Variants in TIAM1 observed in about 807,000 individuals in gnomAD.
TIAM1 encodes TIAM Rac1 associated GEF 1.
TIAM1 carries 65 observed loss-of-function variants against 163.5 expected under a neutral mutation model. The ratio of observed to expected loss-of-function variants is 0.40; its 90% confidence interval spans 0.33 to 0.49. TIAM1 has a LOEUF of 0.49. Ranked by LOEUF, TIAM1 falls within the 20% of genes least tolerant of loss-of-function variation. The pLI, the probability that TIAM1 is intolerant of heterozygous loss-of-function variation, is 0.77. For missense variants in TIAM1, 1,789 were observed against 2,044.7 expected, an observed-to-expected ratio of 0.87 and a Z score of 2.41; for synonymous variants, 833 against 810.1, an observed-to-expected ratio of 1.03 and a Z score of -0.48.
intron 13 of TIAM1, among the ~76,000 whole-genome samples, chr21:31,192,747 C>T (rs1289743538): frequency 6.6e-6 from 1 of 152,166 alleles, no homozygotes. Flanking sequence ...AGTGCTCCCT[C>T]GTAGGTAGGT....
Position 31,133,728 on chromosome 21 carries a change from A to C in TIAM1, c.3883+2205T>G, listed in dbSNP as rs370692275. 2.6e-5 allele frequency among the ~76,000 whole-genome samples: 4 copies of C among 152,326 alleles called. No homozygotes were observed. In the East Asian group the frequency reaches 5.8e-4, roughly 22 times the overall value. The stretch of plus-strand genomic sequence containing the variant: ...GGGCTGCTTCTGGCTCCAGTGGCAA[A>C]GCATGTGGCCTCTTGGCCCAAAGCC... On this transcript the variant is annotated intron_variant, in intron 23 of 27. Transcript: ENST00000541036.
chr21:31,557,045 T>C (rs1348424965), intron 1 of TIAM1, among the ~76,000 whole-genome samples: 1 of 152,240 alleles, frequency 6.6e-6, no homozygotes, highest in Non-Finnish European at 1.5e-5. Context: ...CAGTCCTTGG[T>C]TCACTGGCAA....
intron 2 of TIAM1, among the ~76,000 whole-genome samples, chr21:31,381,158 G>C (rs2076772913): frequency 6.6e-6 from 1 of 152,160 alleles, no homozygotes; most frequent in East Asian, 1.9e-4. Flanking sequence ...GTTTAGTGCT[G>C]CAATAATAAG....
intron 2 of TIAM1, among the ~76,000 whole-genome samples, chr21:31,437,034 T>G (rs2044233768): frequency 6.6e-6 from 1 of 152,182 alleles, no homozygotes; most frequent in Non-Finnish European, 1.5e-5. Context: ...TATTTACATT[T>G]TTCTTATCTC....
chr21:31,429,032 C>A (rs574898943), intron 2 of TIAM1, among the ~76,000 whole-genome samples: 1 of 148,134 alleles, frequency 6.8e-6, no homozygotes, highest in African/African-American at 2.6e-5. Flanking sequence ...CAGGGTCTCA[C>A]TCTGTCCCCC....
intron 2 of TIAM1, among the ~76,000 whole-genome samples, chr21:31,429,479 G>A: frequency 6.6e-6 from 1 of 152,206 alleles, no homozygotes; most frequent in Non-Finnish European, 1.5e-5. Context: ...TTCCTAAGAA[G>A]AGAATAAAAA....
chr21:31,320,253 G>A (rs992436755), intron 2 of TIAM1, among the ~76,000 whole-genome samples: 9 of 152,238 alleles, frequency 5.9e-5, no homozygotes, highest in South Asian at 2.1e-4. Context: ...ACCTGGAATA[G>A]GCAAATTCAT....
chr21:31,375,433 C>T (rs568670777), intron 2 of TIAM1, among the ~76,000 whole-genome samples: 3 of 152,212 alleles, frequency 2.0e-5, no homozygotes, highest in African/African-American at 7.2e-5. Context: ...GGCAAAATAC[C>T]AGAATTATCA....
At chr21:31,410,343 T>A (rs919474983) in intron 2 of TIAM1, among the ~76,000 whole-genome samples, 1 of 150,848 alleles carries the variant, frequency 6.6e-6, no homozygotes, top group Non-Finnish European at 1.5e-5. Context: ...AGACTGCGAG[T>A]GTGTGTGTGT....
chr21:31,432,474 C>T (rs2147281889), intron 2 of TIAM1, among the ~76,000 whole-genome samples: 1 of 152,282 alleles, frequency 6.6e-6, no homozygotes, highest in East Asian at 1.9e-4. Context: ...AAGCGAGGAG[C>T]CAGAGTTGGG....
Position 31,147,748 on chromosome 21 carries a change from A to T in TIAM1, c.3367-745T>A, listed in dbSNP as rs868098536. On this transcript the variant is annotated intron_variant, in intron 19 of 27. Coordinates refer to ENST00000541036, the MANE Select transcript of TIAM1 (RefSeq NM_001353694.2). ...AAATATATAATATATAAAAATATAT[A>T]ATATATAATTAATATATTATATTAA... Among the ~76,000 whole-genome samples, 861 of 142,794 alleles carry T rather than the reference A, an allele frequency of 6.0e-3. 12 individuals are homozygous for T. Among genetic ancestry groups the T allele is most frequent in the African/African-American group, 0.021 (791 of 38,526 alleles). 93.7% of individuals were successfully genotyped at this position (142,794 alleles called of 152,430 possible).
chr21:31,442,532 C>T (rs1254296442), intron 2 of TIAM1, among the ~76,000 whole-genome samples: 2 of 152,180 alleles, frequency 1.3e-5, no homozygotes, highest in African/African-American at 2.4e-5. Context: ...CACGCCCAGC[C>T]GGGAGATTCT....
chr21:31,274,617 C>T (rs2073207408), intron 3 of TIAM1, among the ~76,000 whole-genome samples: 1 of 152,206 alleles, frequency 6.6e-6, no homozygotes, highest in Non-Finnish European at 1.5e-5. Flanking sequence ...GAAACTTCCA[C>T]ATGAACAATG....
intron 2 of TIAM1, among the ~76,000 whole-genome samples, chr21:31,455,422 T>C (rs972305135): frequency 6.6e-6 from 1 of 151,938 alleles, no homozygotes; most frequent in Non-Finnish European, 1.5e-5. Context: ...TTTAATTTTT[T>C]TTTTTTTGAG....
At chr21:31,425,403 A>C (rs2043747629) in intron 2 of TIAM1, among the ~76,000 whole-genome samples, 2 of 152,136 alleles carry the variant, frequency 1.3e-5, no homozygotes, top group South Asian at 4.1e-4. Flanking sequence ...CAGCCCTGCC[A>C]AGAGGTAAAT....
At chr21:31,316,408 A>G (rs1221937544) in intron 2 of TIAM1, among the ~76,000 whole-genome samples, 5 of 152,214 alleles carry the variant, frequency 3.3e-5, no homozygotes, top group Non-Finnish European at 7.3e-5. Context: ...CCCTCAGATG[A>G]AAAGGCATGA....
At chr21:31,508,606 T>C (rs983846940) in intron 1 of TIAM1, among the ~76,000 whole-genome samples, 3 of 152,094 alleles carry the variant, frequency 2.0e-5, no homozygotes, top group African/African-American at 7.2e-5. Context: ...GCCAGGCTGG[T>C]CTCAAACTCC....
At chr21:31,152,905 C>A in intron 18 of TIAM1, 144 bp from the exon 19 acceptor site, 1 of 1,303,948 alleles carries the variant, frequency 7.7e-7, no homozygotes, top group Non-Finnish European at 1.1e-6. Flanking sequence ...GTTTTTTACT[C>A]TTCATGAGCA....
At chr21:31,251,044 T>G (rs78863708) in intron 5 of TIAM1, among the ~76,000 whole-genome samples, 3,311 of 152,338 alleles carry the variant, frequency 0.022, 98 homozygotes, top group African/African-American at 0.067. Context: ...GAAATTAACA[T>G]TATTCTACCA....
Sources: allele counts gnomAD v4.1 joint callset (sites outside exome capture counted in the v4.1 genomes callset), GRCh38; gene constraint gnomAD v4.1.1; transcripts MANE v1.5; gene names NCBI Gene and HGNC (gene_info 2026-07-23, HGNC 2026-07-21).